STOX1: variants seen among roughly 807,000 people sequenced by gnomAD.
The protein encoded by STOX1 is storkhead box 1.
A neutral mutation model predicts 74.8 loss-of-function variants in STOX1; 57 were observed. The ratio of observed to expected loss-of-function variants is 0.76; its 90% CI spans 0.62 to 0.95. STOX1 has a LOEUF of 0.95. Among genes scored for constraint, STOX1 ranks in the 40% least tolerant of loss-of-function variants. The pLI is 0.00. For missense variants in STOX1, 1,010 were observed against 1,117.0 expected (o/e 0.90, Z 1.37); for synonymous variants, 375 against 401.3 (o/e 0.93, Z 0.78).
chr10:68,864,636 C>T (rs1428933199), intron 1 of STOX1, among the ~76,000 whole-genome samples: 1 of 152,200 alleles, frequency 6.6e-6, no homozygotes. Flanking sequence ...AAATCCACTT[C>T]ATAAGATCTT....
chr10:68,876,438 G>A (rs1052751761), intron 1 of STOX1, among the ~76,000 whole-genome samples: 1 of 152,022 alleles, frequency 6.6e-6, no homozygotes, highest in Non-Finnish European at 1.5e-5. Flanking sequence ...TTACAGGCAT[G>A]AGCCACCACA....
intron 1 of STOX1, among the ~76,000 whole-genome samples, chr10:68,866,840 T>C (rs7086993): frequency 0.28 from 42,815 of 151,972 alleles, 6,551 homozygotes; most frequent in African/African-American, 0.39. Flanking sequence ...GGGAATGCCC[T>C]GGTTTGGAAC....
chr10:68,849,544 G>C (rs1385207477), intron 1 of STOX1, among the ~76,000 whole-genome samples: 1 of 152,168 alleles, frequency 6.6e-6, no homozygotes, highest in Non-Finnish European at 1.5e-5. Flanking sequence ...GTCTCAGGGA[G>C]CTGTGGAAGG....
At chr10:68,835,175 G>C (rs1391748936) in intron 1 of STOX1, among the ~76,000 whole-genome samples, 1 of 151,424 alleles carries the variant, frequency 6.6e-6, no homozygotes, top group Non-Finnish European at 1.5e-5. Context: ...CTGAGTAGCT[G>C]GGATTACAGG....
At chr10:68,880,164 C>CTTTT (rs71028800) in intron 1 of STOX1, among the ~76,000 whole-genome samples, 84 of 124,380 alleles carry the variant, frequency 6.8e-4, no homozygotes, top group Non-Finnish European at 8.2e-4. Flanking sequence ...TCTTTCTTTC[C>CTTTT]TTTTTTTTTT....
chr10:68,885,504 A>G lies in STOX1; in HGVS notation c.1708A>G (p.Thr570Ala). 1.2e-6 allele frequency: 2 copies of G among 1,614,172 alleles called. No homozygotes were observed. The highest frequency in any genetic ancestry group is 2.2e-5 in the South Asian group (2 of 91,088). ...EAESIYINDP[T>A]VKPINDDFRG... is the part of the protein sequence containing the mutation. ...AGAATCCATTTACATAAATGACCCTACTGTCAAACCCATCAATGATGACTT... is the reference window on the plus strand; with the variant it reads ...AGAATCCATTTACATAAATGACCCTGCTGTCAAACCCATCAATGATGACTT... The change falls in exon 3 of 4, where the codon ACT (threonine) becomes GCT (alanine). Residue 570 changes from threonine (T) to alanine (A), a missense_variant. Physicochemically the swap from Thr to Ala is moderately conservative, Grantham distance 58. Coordinates refer to ENST00000298596, the MANE Select transcript of STOX1 (RefSeq NM_152709.5).
intron 1 of STOX1, among the ~76,000 whole-genome samples, chr10:68,855,725 G>GT (rs1403094521): frequency 6.6e-6 from 1 of 151,284 alleles, no homozygotes; most frequent in Non-Finnish European, 1.5e-5. Flanking sequence ...GATTATAGGC[G>GT]TAAGTCACTG....
intron 3 of STOX1, among the ~76,000 whole-genome samples, chr10:68,888,153 TA>T (rs984215689): frequency 9.5e-4 from 145 of 152,012 alleles, no homozygotes; most frequent in African/African-American, 3.4e-3. Flanking sequence ...CAGGCTGGAG[TA>T]CAATGGTGTG....
intron 1 of STOX1, among the ~76,000 whole-genome samples, chr10:68,866,529 G>A (rs532244061): frequency 6.6e-6 from 1 of 152,076 alleles, no homozygotes; most frequent in African/African-American, 2.4e-5. Flanking sequence ...CAGAAGCTGT[G>A]CTATACACTC....
intron 1 of STOX1, among the ~76,000 whole-genome samples, chr10:68,849,581 G>A (rs1839929608): frequency 6.6e-6 from 1 of 152,124 alleles, no homozygotes; most frequent in Non-Finnish European, 1.5e-5. Context: ...AGGTTCATCT[G>A]TGGATCATGC....
At chr10:68,855,991 G>GTCAC (rs1255522102) in intron 1 of STOX1, among the ~76,000 whole-genome samples, 2 of 152,092 alleles carry the variant, frequency 1.3e-5, no homozygotes, top group African/African-American at 4.8e-5. Context: ...ATCCCCTACT[G>GTCAC]TCTGTGACCA....
chr10:68,871,745 C>A (rs1001106240), intron 1 of STOX1, among the ~76,000 whole-genome samples: 10 of 152,148 alleles, frequency 6.6e-5, no homozygotes, highest in South Asian at 2.1e-4. Context: ...TGGCCTGGAA[C>A]CTTTCTTCTT....
At chr10:68,838,522 A>G (rs1320460954) in intron 1 of STOX1, among the ~76,000 whole-genome samples, 5 of 152,072 alleles carry the variant, frequency 3.3e-5, no homozygotes, top group Admixed American at 2.6e-4. Context: ...TCATCTGTAA[A>G]CAGAGATGAT....
chr10:68,839,235 T>G (rs376242192), intron 1 of STOX1, among the ~76,000 whole-genome samples: 2 of 152,092 alleles, frequency 1.3e-5, no homozygotes, highest in Non-Finnish European at 2.9e-5. Flanking sequence ...ACGATTATTA[T>G]TATTTGAGGC....
rs745310382 is a variant in STOX1, at chr10:68,885,198, A to G, written c.1402A>G (p.Asn468Asp). 1.2e-6 allele frequency: 2 copies of G among 1,614,194 alleles called. No individual in the cohort carries two copies. The highest frequency in any genetic ancestry group is 3.3e-5 in the Admixed American group (2 of 60,018). ...GCCCATCCCCAGAATTAAAAGCCCAAATGAAATGGTAGGTCAGAAACCACT... is the reference window on the plus strand; with the variant it reads ...GCCCATCCCCAGAATTAAAAGCCCAGATGAAATGGTAGGTCAGAAACCACT... ...TQPIPRIKSPNEMVGQKPLGE... is the reference protein window; with the variant it reads ...TQPIPRIKSPDEMVGQKPLGE... The change falls in exon 3 of 4, where the codon AAT becomes GAT. Residue 468 changes from asparagine (N) to aspartate (D), a missense_variant. Physicochemically the swap from Asn to Asp is conservative, Grantham distance 23. Coordinates refer to ENST00000298596, the MANE Select transcript of STOX1 (RefSeq NM_152709.5).
chr10:68,882,335 A>G (rs1018802054), intron 2 of STOX1, among the ~76,000 whole-genome samples: 2 of 152,190 alleles, frequency 1.3e-5, no homozygotes, highest in Non-Finnish European at 2.9e-5. Flanking sequence ...ATGGCAATAA[A>G]TAAATAAATA....
chr10:68,860,666 G>A (rs1436888966), intron 1 of STOX1, among the ~76,000 whole-genome samples: 16 of 151,170 alleles, frequency 1.1e-4, no homozygotes, highest in Admixed American at 1.1e-3. Flanking sequence ...ATGCTTTCCT[G>A]CCTCCATACT....
downstream of STOX1, among the ~76,000 whole-genome samples, chr10:68,894,753 G>A (rs763948153): frequency 1.3e-5 from 2 of 152,064 alleles, no homozygotes; most frequent in Admixed American, 6.6e-5. Flanking sequence ...TTTTTGAGAC[G>A]GGGTCTCTGT....
chr10:68,827,611 C>G lies in STOX1; in HGVS notation c.-13C>G. 1 of 1,144,280 alleles carries G rather than the reference C, an allele frequency of 8.7e-7. No individual in the cohort carries two copies. The highest frequency in any genetic ancestry group is 1.1e-6 in the Non-Finnish European group (1 of 931,806). The allele number at this position is 1,144,280 out of a possible 1,614,324, so 70.9% of individuals were successfully genotyped here. ...AGGCCCTGCGTTGCGGGCTCCCGGCCGCCGGCGAAAGCATGGCCCGGCCCG... is the reference window on the plus strand; with the variant it reads ...AGGCCCTGCGTTGCGGGCTCCCGGCGGCCGGCGAAAGCATGGCCCGGCCCG... On this transcript the variant is annotated 5_prime_UTR_variant, in exon 1 of 4. Transcript: ENST00000298596.
Sources: gnomAD v4.1 joint callset for allele counts (sites outside exome capture counted in the v4.1 genomes callset) on GRCh38, gnomAD v4.1.1 for gene constraint, MANE v1.5 for transcripts, NCBI Gene and HGNC (gene_info 2026-07-23, HGNC 2026-07-21) for gene names.